Variants in TBC1D5 observed in about 807,000 individuals in gnomAD.
TBC1D5 encodes TBC1 domain family member 5.
In TBC1D5, 75 loss-of-function variants were observed where a neutral mutation model predicts 100.3. The ratio of observed to expected loss-of-function variants is 0.75; its 90% CI spans 0.62 to 0.91. The LOEUF (loss-of-function observed/expected upper bound fraction) is 0.91, where lower values mean the gene tolerates loss of function less well. Among genes scored for constraint, TBC1D5 ranks in the 40% least tolerant of loss-of-function variants. The probability of loss-of-function intolerance (pLI) is 0.00; values close to 1 mark genes in which losing one functional copy is unlikely to be tolerated. For missense variants in TBC1D5, 910 were observed against 942.4 expected (o/e 0.97, Z 0.45); for synonymous variants, 323 against 325.6 (o/e 0.99, Z 0.09).
At chr3:17,329,540 T>C (rs1184926100) in intron 13 of TBC1D5, among the ~76,000 whole-genome samples, 1 of 148,194 alleles carries the variant, frequency 6.7e-6, no homozygotes, top group Non-Finnish European at 1.5e-5. Context: ...GGATAAAAAA[T>C]AAAAATTATA....
intron 15 of TBC1D5, among the ~76,000 whole-genome samples, chr3:17,276,192 T>G (rs1189695917): frequency 2.6e-5 from 4 of 152,218 alleles, no homozygotes; most frequent in Admixed American, 6.5e-5. Context: ...TAGTGCCTTC[T>G]CACTGTTTCC....
chr3:17,349,571 T>C (rs938140856), intron 13 of TBC1D5, among the ~76,000 whole-genome samples: 2 of 152,214 alleles, frequency 1.3e-5, no homozygotes, highest in African/African-American at 4.8e-5. Flanking sequence ...GCTTACAACA[T>C]TGTTCTGTTT....
At chr3:17,641,893 A>G (rs1191361171) in intron 1 of TBC1D5, among the ~76,000 whole-genome samples, 1 of 152,140 alleles carries the variant, frequency 6.6e-6, no homozygotes, top group African/African-American at 2.4e-5. Context: ...AATGCAGACT[A>G]ATGACTTTTT....
At chr3:17,563,304 A>G (rs1317910018) in intron 2 of TBC1D5, among the ~76,000 whole-genome samples, 1 of 152,248 alleles carries the variant, frequency 6.6e-6, no homozygotes, top group Non-Finnish European at 1.5e-5. Flanking sequence ...TCATAACAAT[A>G]GCCTAGGCTG....
intron 2 of TBC1D5, among the ~76,000 whole-genome samples, chr3:17,608,984 C>A (rs1029294700): frequency 6.6e-6 from 1 of 152,162 alleles, no homozygotes; most frequent in East Asian, 1.9e-4. Flanking sequence ...TTATTCCTTA[C>A]CATTTGTTTA....
intron 21 of TBC1D5, among the ~76,000 whole-genome samples, chr3:17,164,224 G>A (rs749043878): frequency 1.2e-4 from 19 of 152,208 alleles, no homozygotes; most frequent in Non-Finnish European, 8.8e-5. Context: ...CACAAAGGAA[G>A]AACACTTTCA....
intron 2 of TBC1D5, among the ~76,000 whole-genome samples, chr3:17,596,839 C>T (rs2060606989): frequency 6.6e-6 from 1 of 152,000 alleles, no homozygotes; most frequent in African/African-American, 2.4e-5. Context: ...CTGCCAATCA[C>T]TCAAAATATT....
rs570351706 is a variant in TBC1D5, at chr3:17,460,322, A to T, written c.98-31803T>A. Reference sequence around the variant, plus strand: ...AAAAATCTCACTTTAATGGCTTCAAATTCCTCTAGCTTGATGCATTCATCC... The same window carrying T: ...AAAAATCTCACTTTAATGGCTTCAATTTCCTCTAGCTTGATGCATTCATCC... On this transcript the variant is annotated intron_variant, in intron 3 of 21. Coordinates refer to ENST00000253692, the Ensembl canonical transcript of TBC1D5. Among the ~76,000 whole-genome samples, 11 of 152,304 alleles carry T rather than the reference A, an allele frequency of 7.2e-5. 1 individual carries two copies. The South Asian group carries it at 2.3e-3, about 32-fold the overall frequency.
chr3:17,249,578 G>A (rs1299083237), intron 16 of TBC1D5, among the ~76,000 whole-genome samples: 1 of 152,154 alleles, frequency 6.6e-6, no homozygotes, highest in Non-Finnish European at 1.5e-5. Flanking sequence ...GAGTTCACAC[G>A]AGTAAAACTC....
intron 8 of TBC1D5, among the ~76,000 whole-genome samples, chr3:17,393,612 G>A (rs1051313569): frequency 6.6e-6 from 1 of 152,102 alleles, no homozygotes; most frequent in African/African-American, 2.4e-5. Flanking sequence ...CATGGTACTG[G>A]TACCAAAACA....
At chr3:17,177,150 T>C (rs2067854859) in intron 19 of TBC1D5, among the ~76,000 whole-genome samples, 1 of 152,186 alleles carries the variant, frequency 6.6e-6, no homozygotes, top group Non-Finnish European at 1.5e-5. Context: ...TTTGGGTTCC[T>C]CCTGTGGAAA....
At chr3:17,599,153 T>A (rs1485207659) in intron 2 of TBC1D5, among the ~76,000 whole-genome samples, 1 of 152,154 alleles carries the variant, frequency 6.6e-6, no homozygotes, top group African/African-American at 2.4e-5. Flanking sequence ...AGGGAAGTAC[T>A]AGGTAAAAGG....
chr3:17,462,070 T>C (rs368137822), intron 3 of TBC1D5, among the ~76,000 whole-genome samples: 1 of 152,124 alleles, frequency 6.6e-6, no homozygotes, highest in Non-Finnish European at 1.5e-5. Context: ...ATAAAAATTA[T>C]ATTTTAAAAA....
intron 3 of TBC1D5, among the ~76,000 whole-genome samples, chr3:17,474,811 A>C (rs540657347): frequency 6.6e-6 from 1 of 152,264 alleles, no homozygotes; most frequent in African/African-American, 2.4e-5. Flanking sequence ...TACATTGCCA[A>C]ATGGAATGCC....
chr3:17,607,340 T>C (rs1268180820), intron 2 of TBC1D5, among the ~76,000 whole-genome samples: 1 of 152,192 alleles, frequency 6.6e-6, no homozygotes, highest in Non-Finnish European at 1.5e-5. Flanking sequence ...TTTTAGAGCT[T>C]TATATAATGA....
rs577482069 is a variant in TBC1D5, at chr3:17,469,448, A to C, written c.97+39026T>G. Among the ~76,000 whole-genome samples, 5 of 152,176 alleles carry C rather than the reference A, an allele frequency of 3.3e-5. No individual in the cohort carries two copies. The East Asian group carries it at 9.7e-4, about 29-fold the overall frequency. On this transcript the variant is annotated intron_variant, in intron 3 of 21. Transcript: ENST00000253692. ...CACTCATTCACATGTTCCACCATTTACTTTATGAGGGCCGTCCAGCCTGTA... is the reference window on the plus strand; with the variant it reads ...CACTCATTCACATGTTCCACCATTTCCTTTATGAGGGCCGTCCAGCCTGTA...
At chr3:17,283,214 A>G (rs1457477341) in intron 15 of TBC1D5, among the ~76,000 whole-genome samples, 1 of 152,252 alleles carries the variant, frequency 6.6e-6, no homozygotes, top group Admixed American at 6.5e-5. Context: ...AATAGACCCC[A>G]AAGGGTCCAT....
chr3:17,351,041 T>C (rs1045441188), intron 13 of TBC1D5, among the ~76,000 whole-genome samples: 18 of 152,314 alleles, frequency 1.2e-4, no homozygotes, highest in African/African-American at 4.3e-4. Context: ...AATCCTGCTA[T>C]AATTAGGAAG....
At chr3:17,589,886 G>A (rs1020586560) in intron 2 of TBC1D5, among the ~76,000 whole-genome samples, 6 of 152,174 alleles carry the variant, frequency 3.9e-5, no homozygotes, top group Admixed American at 6.5e-5. Context: ...CCTGCAAACC[G>A]ATAAATGCTA....
Sources: gnomAD v4.1 joint callset for allele counts (sites outside exome capture counted in the v4.1 genomes callset) on GRCh38, gnomAD v4.1.1 for gene constraint, MANE v1.5 for transcripts, NCBI Gene and HGNC (gene_info 2026-07-23, HGNC 2026-07-21) for gene names.